ARHGAP24: variants seen among roughly 807,000 people sequenced by gnomAD.
ARHGAP24 encodes rho GTPase-activating protein 24.
A neutral mutation model predicts 76.4 loss-of-function variants in ARHGAP24; 50 were observed. That is an observed-to-expected ratio of 0.65 (90% CI 0.52 to 0.83). The LOEUF is 0.83. Ranked by LOEUF, ARHGAP24 falls within the 40% of genes least tolerant of loss-of-function variation. The pLI is 0.00. For missense variants in ARHGAP24, 930 were observed against 914.2 expected (o/e 1.02, Z -0.22); for synonymous variants, 345 against 323.3 (o/e 1.07, Z -0.72).
chr4:85,964,921 T>C (rs916897813), intron 5 of ARHGAP24, among the ~76,000 whole-genome samples: 1 of 152,058 alleles, frequency 6.6e-6, no homozygotes, highest in Non-Finnish European at 1.5e-5. Context: ...TTGGAGTGAA[T>C]GTATATTAAA....
At chr4:85,659,151 G>A (rs1722289514) in intron 2 of ARHGAP24, among the ~76,000 whole-genome samples, 1 of 152,160 alleles carries the variant, frequency 6.6e-6, no homozygotes, top group Non-Finnish European at 1.5e-5. Flanking sequence ...AATATCCTAT[G>A]AAGCATATAA....
chr4:85,688,568 C>G (rs559009935), intron 2 of ARHGAP24, among the ~76,000 whole-genome samples: 17 of 152,224 alleles, frequency 1.1e-4, no homozygotes, highest in African/African-American at 4.1e-4. Context: ...TGCAGAAGCT[C>G]TTTTGTTTAG....
chr4:85,681,454 G>A (rs1723201372), intron 2 of ARHGAP24, among the ~76,000 whole-genome samples: 1 of 152,178 alleles, frequency 6.6e-6, no homozygotes, highest in Non-Finnish European at 1.5e-5. Flanking sequence ...GCTAACTCAT[G>A]TGACATTCAA....
At chr4:85,619,555 G>C (rs919284671) in intron 2 of ARHGAP24, among the ~76,000 whole-genome samples, 1 of 150,128 alleles carries the variant, frequency 6.7e-6, no homozygotes, top group South Asian at 2.1e-4. Flanking sequence ...GGATTGCTTT[G>C]GTAGTAAGGA....
chr4:85,662,238 G>C (rs1291726329), intron 2 of ARHGAP24, among the ~76,000 whole-genome samples: 7 of 152,082 alleles, frequency 4.6e-5, no homozygotes, highest in Non-Finnish European at 8.8e-5. Context: ...ATTTCATTGT[G>C]GTTTTGATTT....
At chr4:85,499,865 T>C (rs1048256292) in intron 1 of ARHGAP24, among the ~76,000 whole-genome samples, 3 of 152,204 alleles carry the variant, frequency 2.0e-5, no homozygotes, top group African/African-American at 7.2e-5. Flanking sequence ...TTAATGAACT[T>C]ATATTTAAGT....
intron 3 of ARHGAP24, among the ~76,000 whole-genome samples, chr4:85,769,082 G>A (rs1230392630): frequency 6.6e-6 from 1 of 152,022 alleles, no homozygotes; most frequent in African/African-American, 2.4e-5. Flanking sequence ...ATTAGAAATA[G>A]TCATATCCTT....
At chr4:85,813,527 TAC>T (rs1319489620) in intron 3 of ARHGAP24, among the ~76,000 whole-genome samples, 2 of 152,116 alleles carry the variant, frequency 1.3e-5, no homozygotes, top group African/African-American at 4.8e-5. Context: ...GTAAAATTCC[TAC>T]AGTCTTTTTC....
chr4:85,990,177 A>C (rs1578474619), intron 8 of ARHGAP24: 1 of 151,940 alleles, frequency 6.6e-6, no homozygotes, highest in East Asian at 1.9e-4. Flanking sequence ...TTGAAATAAA[A>C]TTATTGTTTA....
intron 3 of ARHGAP24, among the ~76,000 whole-genome samples, chr4:85,906,882 T>C (rs1450606424): frequency 1.3e-5 from 2 of 152,182 alleles, no homozygotes; most frequent in Non-Finnish European, 2.9e-5. Context: ...TCCTCTCACT[T>C]GTTAGTCCAC....
chr4:85,962,974 A>G (rs1220445004), intron 5 of ARHGAP24, among the ~76,000 whole-genome samples: 2 of 151,970 alleles, frequency 1.3e-5, no homozygotes, highest in Admixed American at 1.3e-4. Context: ...TATGTTTAAA[A>G]TAATTCTACA....
chr4:85,781,507 C>A (rs922662878), intron 3 of ARHGAP24, among the ~76,000 whole-genome samples: 8 of 152,014 alleles, frequency 5.3e-5, no homozygotes, highest in African/African-American at 1.7e-4. Context: ...AATACTTGAT[C>A]ATTTAACTTT....
Position 86,002,208 on chromosome 4 carries a change from GT to G in ARHGAP24, c.*1489del, listed in dbSNP as rs538318636. The G allele has an allele frequency of 4.5e-4, 69 of 152,310 alleles. No individual in the cohort carries two copies. Among genetic ancestry groups the G allele is most frequent in the African/African-American group, 1.5e-3 (64 of 41,566 alleles). The allele number at this position is 152,310 out of a possible 1,614,324, so 9.4% of individuals were successfully genotyped here. On this transcript the variant is annotated 3_prime_UTR_variant, in exon 10 of 10. Transcript: ENST00000395184. ...GTTTGAAGGTTCAATGCTTGCATGT[GT>G]TTATTTATTTTCAAGAGGGAAAGTG...
At chr4:85,495,113 A>G (rs1723514394) in intron 1 of ARHGAP24, among the ~76,000 whole-genome samples, 1 of 151,312 alleles carries the variant, frequency 6.6e-6, no homozygotes, top group Admixed American at 6.6e-5. Context: ...AAAAAAAAAA[A>G]AGAGTGACCT....
intron 5 of ARHGAP24, among the ~76,000 whole-genome samples, chr4:85,962,650 C>T (rs72660145): frequency 9.6e-4 from 146 of 151,880 alleles, no homozygotes; most frequent in Non-Finnish European, 1.5e-3. Flanking sequence ...TTCTTGCATT[C>T]CTTAGTATTT....
intron 3 of ARHGAP24, among the ~76,000 whole-genome samples, chr4:85,808,900 C>A (rs1728900075): frequency 6.6e-6 from 1 of 152,100 alleles, no homozygotes; most frequent in African/African-American, 2.4e-5. Flanking sequence ...ATTAGTCTAT[C>A]AGCAGAAAAC....
intron 3 of ARHGAP24, among the ~76,000 whole-genome samples, chr4:85,895,980 G>A (rs1418318234): frequency 6.6e-6 from 1 of 152,138 alleles, no homozygotes; most frequent in Non-Finnish European, 1.5e-5. Flanking sequence ...TTAATTCCAT[G>A]GTAGAGGGTA....
chr4:85,979,693 T>G (rs1739541457), intron 8 of ARHGAP24, among the ~76,000 whole-genome samples: 3 of 152,206 alleles, frequency 2.0e-5, no homozygotes, highest in African/African-American at 7.2e-5. Context: ...TCTCATCTAC[T>G]GCTTAGGAAC....
chr4:85,792,926 G>T (rs931855034), intron 3 of ARHGAP24, among the ~76,000 whole-genome samples: 3 of 152,110 alleles, frequency 2.0e-5, no homozygotes, highest in South Asian at 2.1e-4. Flanking sequence ...TGTATGCAGA[G>T]AATCCATTGT....
Sources: gnomAD v4.1 joint callset for allele counts (sites outside exome capture counted in the v4.1 genomes callset) on GRCh38, gnomAD v4.1.1 for gene constraint, MANE v1.5 for transcripts, NCBI Gene and HGNC (gene_info 2026-07-23, HGNC 2026-07-21) for gene names.